ARB2A: variants seen among roughly 807,000 people sequenced by gnomAD.
The protein encoded by ARB2A is ARB2 cotranscriptional regulator A, also known as cotranscriptional regulator ARB2A.
At chr5:93,882,066 AAAC>A in the ARB2A span, among the ~76,000 whole-genome samples, 1 of 151,464 alleles carries the variant, frequency 6.6e-6, no homozygotes. Context: ...TGTTTTGAGA[AAAC>A]AACCTCTGAA....
At chr5:93,987,291 A>G in the ARB2A span, among the ~76,000 whole-genome samples, 9 of 152,214 alleles carry the variant, frequency 5.9e-5, no homozygotes, top group Non-Finnish European at 1.3e-4. Flanking sequence ...AGAGGAAAGA[A>G]GAAAGAAAGA....
the ARB2A span, among the ~76,000 whole-genome samples, chr5:93,757,753 C>T: frequency 1.3e-5 from 2 of 152,222 alleles, no homozygotes; most frequent in South Asian, 2.1e-4. Context: ...CCTGGAAACA[C>T]ATCAAAACAG....
the ARB2A span, among the ~76,000 whole-genome samples, chr5:93,799,700 G>A: frequency 2.6e-5 from 4 of 152,154 alleles, no homozygotes; most frequent in African/African-American, 9.6e-5. Flanking sequence ...AAATTATAAA[G>A]CGTTGAATAT....
the ARB2A span, among the ~76,000 whole-genome samples, chr5:93,864,321 C>A: frequency 6.6e-6 from 1 of 151,890 alleles, no homozygotes; most frequent in African/African-American, 2.4e-5. Flanking sequence ...GAGGTGAAAG[C>A]AAAAGAAGAA....
At chr5:93,928,267 C>G in the ARB2A span, among the ~76,000 whole-genome samples, 1 of 152,140 alleles carries the variant, frequency 6.6e-6, no homozygotes, top group East Asian at 1.9e-4. Context: ...GATTTTCACA[C>G]TGAGATTTCA....
At chr5:93,919,761 T>C in the ARB2A span, among the ~76,000 whole-genome samples, 1 of 152,160 alleles carries the variant, frequency 6.6e-6, no homozygotes, top group Non-Finnish European at 1.5e-5. Flanking sequence ...TTTCCTCCTT[T>C]TTACTATAAG....
At chr5:93,870,467 C>A in the ARB2A span, among the ~76,000 whole-genome samples, 4 of 152,094 alleles carry the variant, frequency 2.6e-5, no homozygotes, top group Non-Finnish European at 5.9e-5. Context: ...TTCATTGTTT[C>A]TCTGTTCAGC....
At chr5:93,922,448 C>T in the ARB2A span, among the ~76,000 whole-genome samples, 7 of 151,378 alleles carry the variant, frequency 4.6e-5, no homozygotes, top group African/African-American at 1.5e-4. Context: ...GCAGGCAGAT[C>T]ACTTGAGGTC....
the ARB2A span, among the ~76,000 whole-genome samples, chr5:94,082,477 G>A: frequency 6.6e-6 from 1 of 152,142 alleles, no homozygotes; most frequent in African/African-American, 2.4e-5. Flanking sequence ...ATTAAGCCTA[G>A]TAAGCCATAT....
the ARB2A span, among the ~76,000 whole-genome samples, chr5:93,948,850 A>G: frequency 6.6e-6 from 1 of 152,208 alleles, no homozygotes; most frequent in Non-Finnish European, 1.5e-5. Context: ...CTGGCATTAC[A>G]GGCACTAGCC....
chr5:94,025,842 G>T, the ARB2A span, among the ~76,000 whole-genome samples: 4 of 152,282 alleles, frequency 2.6e-5, no homozygotes, highest in East Asian at 5.8e-4. Flanking sequence ...CCTTGCTTGG[G>T]CCCAGGTACA....
chr5:94,070,967 T>A, the ARB2A span, among the ~76,000 whole-genome samples: 22 of 152,080 alleles, frequency 1.4e-4, no homozygotes, highest in Non-Finnish European at 2.8e-4. Context: ...TACAGGTACC[T>A]TGAAAAGTGG....
At chr5:93,715,672 C>T in the ARB2A span, among the ~76,000 whole-genome samples, 542 of 148,522 alleles carry the variant, frequency 3.6e-3, 11 homozygotes, top group Non-Finnish European at 1.2e-3. Context: ...AGGGAAACAA[C>T]TCATGCTTTT....
At chr5:93,962,072 C>T in the ARB2A span, among the ~76,000 whole-genome samples, 1 of 152,128 alleles carries the variant, frequency 6.6e-6, no homozygotes, top group African/African-American at 2.4e-5. Flanking sequence ...TTTGAACATA[C>T]GGCTGTTCCA....
chr5:93,866,318 T>C, the ARB2A span: 1 of 974,478 alleles, frequency 1.0e-6, no homozygotes, highest in Non-Finnish European at 1.2e-6. Context: ...TTTATATTCT[T>C]CCCCTTAGTT....
At chr5:94,077,725 G>T in the ARB2A span, among the ~76,000 whole-genome samples, 2,124 of 152,328 alleles carry the variant, frequency 0.014, 50 homozygotes, top group African/African-American at 0.048. Flanking sequence ...TTAGGTTATA[G>T]AGAATAAAGC....
At chr5:93,776,197 A>T in the ARB2A span, 3 of 1,612,310 alleles carry the variant, frequency 1.9e-6, no homozygotes, top group Admixed American at 3.3e-5. Flanking sequence ...CATGGACTCC[A>T]CTGATGTGTC....
the ARB2A span, among the ~76,000 whole-genome samples, chr5:93,880,806 C>A: frequency 6.6e-6 from 1 of 151,724 alleles, no homozygotes; most frequent in Non-Finnish European, 1.5e-5. Flanking sequence ...GTTAGTACTA[C>A]AAAGTGTAAA....
At chr5:94,086,664 T>A in the ARB2A span, among the ~76,000 whole-genome samples, 1 of 152,164 alleles carries the variant, frequency 6.6e-6, no homozygotes, top group Non-Finnish European at 1.5e-5. Flanking sequence ...GCGATTCTCC[T>A]GCCTCAGACT....
Sources: gnomAD v4.1 joint callset for allele counts (sites outside exome capture counted in the v4.1 genomes callset) on GRCh38, gnomAD v4.1.1 for gene constraint, MANE v1.5 for transcripts, NCBI Gene and HGNC (gene_info 2026-07-23, HGNC 2026-07-21) for gene names.